PCDHGB5: variants seen among roughly 807,000 people sequenced by gnomAD.
PCDHGB5 encodes protocadherin gamma-B5.
PCDHGB5 carries 48 observed loss-of-function variants against 62.9 expected under a neutral mutation model. That is an observed-to-expected ratio of 0.76 (90% CI 0.61 to 0.97). The LOEUF (loss-of-function observed/expected upper bound fraction) is 0.97. PCDHGB5 is among the 50% of genes least tolerant of loss of function. The pLI, the probability that PCDHGB5 is intolerant of heterozygous loss-of-function variation, is 0.00. For synonymous variants in PCDHGB5, 474 were observed against 511.2 expected (o/e 0.93, Z 0.98); for missense variants, 1,118 against 1,198.6 (o/e 0.93, Z 0.99).
intron 1 of PCDHGB5, among the ~76,000 whole-genome samples, chr5:141,482,530 C>CAAAAAAAAA (rs3074545): frequency 5.2e-4 from 40 of 76,506 alleles, no homozygotes; most frequent in African/African-American, 1.4e-3. Context: ...GACAGACATG[C>CAAAAAAAAA]AAAAAAAAAA....
Position 141,475,871 on chromosome 5 carries a change from A to C in PCDHGB5, c.2398-18936A>C, listed in dbSNP as rs568810142. 35 of 513,270 alleles carry C rather than the reference A, an allele frequency of 6.8e-5. No individual in the cohort carries two copies. The East Asian group carries it at 1.1e-3, about 16-fold the overall frequency. The allele number at this position is 513,270 out of a possible 1,614,324, so 31.8% of individuals were successfully genotyped here. The stretch of plus-strand genomic sequence containing the variant: ...CCCGGCGCTAGCTCATTCTTCGTGC[A>C]GTTATTGGCTGGGACTCTGTGTGCC... On this transcript the variant is annotated intron_variant, in intron 1 of 3. Transcript: ENST00000617380.
chr5:141,408,770 A>G, intron 1 of PCDHGB5: 1 of 1,611,540 alleles, frequency 6.2e-7, no homozygotes. Flanking sequence ...CGATGGTGGC[A>G]AATACCCAGA....
chr5:141,481,181 G>C (rs1364223040), intron 1 of PCDHGB5, among the ~76,000 whole-genome samples: 1 of 152,154 alleles, frequency 6.6e-6, no homozygotes, highest in Non-Finnish European at 1.5e-5. Context: ...CAGCTTTATT[G>C]GGCCAGGCCC....
intron 1 of PCDHGB5, among the ~76,000 whole-genome samples, chr5:141,451,410 G>T (rs1201545799): frequency 6.6e-6 from 1 of 152,190 alleles, no homozygotes; most frequent in East Asian, 1.9e-4. Context: ...TAAGTTCCTT[G>T]TGGATTGTTA....
At position 141,476,632 on chromosome 5, in the gene PCDHGB5, T is replaced by A. The variant is rs994726301; in HGVS notation, c.2398-18175T>A. ...TGGGAAGCAACTCTTTACAAACCTATGAGCTGAGCCGAAATGAATACTTTG... is the reference window on the plus strand; with the variant it reads ...TGGGAAGCAACTCTTTACAAACCTAAGAGCTGAGCCGAAATGAATACTTTG... On this transcript the variant is annotated intron_variant, in intron 1 of 3. Transcript: ENST00000617380. The surrounding 1 kb of genome is among the most constrained non-coding windows in gnomAD (Gnocchi z 7.6). 1 of 1,614,216 alleles carries A rather than the reference T, an allele frequency of 6.2e-7. No individual in the cohort carries two copies. The highest frequency in any genetic ancestry group is 8.5e-7 in the Non-Finnish European group (1 of 1,180,028).
At chr5:141,498,248 G>A (rs1484987588) in intron 2 of PCDHGB5, among the ~76,000 whole-genome samples, 2 of 152,208 alleles carry the variant, frequency 1.3e-5, no homozygotes, top group Non-Finnish European at 2.9e-5. Flanking sequence ...CTTCAAAGCA[G>A]GGCTGGTGTT....
chr5:141,460,027 G>A (rs1002703325), intron 1 of PCDHGB5, among the ~76,000 whole-genome samples: 3 of 152,088 alleles, frequency 2.0e-5, no homozygotes, highest in East Asian at 1.9e-4. Flanking sequence ...GCAGTGAGCC[G>A]AGACTGCACC....
chr5:141,423,067 G>A (rs757110751), intron 1 of PCDHGB5: 10 of 1,614,024 alleles, frequency 6.2e-6, no homozygotes, highest in South Asian at 5.5e-5. Context: ...TAAGGCCAGC[G>A]AGCCGGGACT....
Position 141,485,790 on chromosome 5 carries a change from C to T in PCDHGB5, c.2398-9017C>T. On this transcript the variant is annotated intron_variant, in intron 1 of 3. Transcript: ENST00000617380. This position sits in a 1 kb window ranked among gnomAD's most constrained non-coding sequence, Gnocchi z 5.7. The stretch of plus-strand genomic sequence containing the variant: ...AAGCCTTTGGATCGAGAGAAGCAAT[C>T]GGACTACCGCCTGGTGCTGACTGCT... 6.2e-7 allele frequency: 1 copy of T among 1,614,204 alleles called. No homozygotes were observed. Among genetic ancestry groups the T allele is most frequent in the Non-Finnish European group, 8.5e-7 (1 of 1,180,032 alleles).
rs770010951 is a variant in PCDHGB5 at position 141,408,783 on chromosome 5, T to A, written c.2397+8259T>A. On this transcript the variant is annotated intron_variant, in intron 1 of 3. Transcript: ENST00000617380. ...TCCGATGGTGGCAAATACCCAGAGT[T>A]ATCTCTGGAGAAACTCCTAGACCGG... 26 of 1,612,386 alleles carry A rather than the reference T, an allele frequency of 1.6e-5. No homozygotes were observed. The East Asian group carries it at 5.8e-4, about 36-fold the overall frequency.
intron 1 of PCDHGB5, among the ~76,000 whole-genome samples, chr5:141,467,882 C>T (rs1278937609): frequency 6.6e-6 from 1 of 152,036 alleles, no homozygotes; most frequent in East Asian, 1.9e-4. Context: ...TGGTCTCAAA[C>T]TCCTGAGCTC....
chr5:141,432,569 C>T lies in PCDHGB5; in HGVS notation c.2397+32045C>T. The T allele has an allele frequency of 6.2e-7, 1 of 1,613,920 alleles. No homozygotes were observed. On this transcript the variant is annotated intron_variant, in intron 1 of 3. Coordinates refer to ENST00000617380, the MANE Select transcript of PCDHGB5 (RefSeq NM_018925.3). This position sits in a 1 kb window ranked among gnomAD's most constrained non-coding sequence, Gnocchi z 6.0. ...CAGAGACTCCGGCCAGAACGCCTGG[C>T]TGTCCTACCGTCTGCTCAAGGCCAG...
At chr5:141,435,516 C>T (rs2097767967) in intron 1 of PCDHGB5, among the ~76,000 whole-genome samples, 1 of 152,058 alleles carries the variant, frequency 6.6e-6, no homozygotes, top group Non-Finnish European at 1.5e-5. Context: ...CTAATGATGA[C>T]TTTGTGGAAT....
At position 141,399,644 on chromosome 5, in the gene PCDHGB5, A is replaced by C; in HGVS notation, c.1517A>C (p.Gln506Pro). The change falls in exon 1 of 4, where the codon CAA becomes CCA. Residue 506 changes from glutamine to proline, a missense_variant. By Grantham distance (76) the Gln-to-Pro change is moderately conservative. Coordinates refer to ENST00000617380, the MANE Select transcript of PCDHGB5 (RefSeq NM_018925.3). ...GCCTCTTACGTGTCCATGAGCGCGC[A>C]AAGTGGGGTGGTGTTCGCGCAGCGC... ...ALASYVSMSA[Q>P]SGVVFAQRAF... 6.2e-7 allele frequency: 1 copy of C among 1,613,810 alleles called. No homozygotes were observed. Among genetic ancestry groups the C allele is most frequent in the Non-Finnish European group, 8.5e-7 (1 of 1,179,882 alleles).
chr5:141,502,667 T>G (rs2099815574), intron 2 of PCDHGB5, among the ~76,000 whole-genome samples: 1 of 152,236 alleles, frequency 6.6e-6, no homozygotes. Context: ...TTCATGCAAT[T>G]TTAGTATTCC....
At chr5:141,441,818 TG>T in intron 1 of PCDHGB5, 1 of 359,922 alleles carries the variant, frequency 2.8e-6, no homozygotes, top group Non-Finnish European at 5.5e-6. Flanking sequence ...ACCCCAGCTC[TG>T]GAGCGCAATG....
At chr5:141,412,367 A>C (rs1055060515) in intron 1 of PCDHGB5, 3 of 152,264 alleles carry the variant, frequency 2.0e-5, no homozygotes, top group Admixed American at 6.5e-5. Flanking sequence ...TTACCTGCTT[A>C]ATCATTTAAA....
chr5:141,432,336 G>A lies in PCDHGB5; in HGVS notation c.2397+31812G>A. On this transcript the variant is annotated intron_variant, in intron 1 of 3. Coordinates refer to ENST00000617380, the MANE Select transcript of PCDHGB5 (RefSeq NM_018925.3). The surrounding 1 kb of genome is among the most constrained non-coding windows in gnomAD (Gnocchi z 6.0). ...AGCTCCTTCGACTACGAGCAGTTCC[G>A]AGACTTGCAAGTGAAAGTGATGGCG... 1.2e-6 allele frequency: 2 copies of A among 1,614,250 alleles called. No homozygotes were observed. The highest frequency in any genetic ancestry group is 1.7e-6 in the Non-Finnish European group (2 of 1,180,040).
chr5:141,413,298 G>A (rs1672233901), intron 1 of PCDHGB5: 3 of 1,613,950 alleles, frequency 1.9e-6, no homozygotes, highest in Non-Finnish European at 2.5e-6. Context: ...CAATTCCTGA[G>A]GAATTAGAGA....
Sources: allele counts gnomAD v4.1 joint callset (sites outside exome capture counted in the v4.1 genomes callset), GRCh38; gene constraint gnomAD v4.1.1; non-coding constraint Gnocchi (gnomAD v3.1); transcripts MANE v1.5; gene names NCBI Gene and HGNC (gene_info 2026-07-23, HGNC 2026-07-21).